DIP2B: variants seen among roughly 807,000 people sequenced by gnomAD.
DIP2B encodes the protein disco-interacting protein 2 homolog B.
Under a neutral mutation model 198.0 loss-of-function variants are expected in DIP2B, and 76 were observed. The ratio of observed to expected loss-of-function variants is 0.38; its 90% confidence interval spans 0.32 to 0.46. DIP2B has a LOEUF of 0.46. DIP2B is among the 20% of genes least tolerant of loss of function. The probability of loss-of-function intolerance (pLI) is 0.99; values close to 1 mark genes in which losing one functional copy is unlikely to be tolerated. For synonymous variants in DIP2B, 701 were observed against 739.1 expected (o/e 0.95, Z 0.84); for missense variants, 1,559 against 1,978.4 (o/e 0.79, Z 4.02).
At chr12:50,511,375 C>T (rs954048569) in intron 1 of DIP2B, among the ~76,000 whole-genome samples, 5 of 138,408 alleles carry the variant, frequency 3.6e-5, no homozygotes, top group Non-Finnish European at 6.1e-5. Flanking sequence ...CACCACAACC[C>T]CCGCCTTCCG....
At chr12:50,563,032 A>G (rs1330215498) in intron 1 of DIP2B, among the ~76,000 whole-genome samples, 5 of 152,126 alleles carry the variant, frequency 3.3e-5, no homozygotes, top group Non-Finnish European at 7.3e-5. Context: ...AACGATTGCT[A>G]AAAGTTTGAA....
At chr12:50,677,697 CTTTTG>C (rs1938971967) in intron 7 of DIP2B, among the ~76,000 whole-genome samples, 4 of 151,928 alleles carry the variant, frequency 2.6e-5, no homozygotes, top group Non-Finnish European at 4.4e-5. Flanking sequence ...ATTAAGAGGA[CTTTTG>C]TTTTATCTGT....
chr12:50,609,978 A>C (rs766164658), intron 1 of DIP2B, among the ~76,000 whole-genome samples: 2 of 152,238 alleles, frequency 1.3e-5, no homozygotes, highest in African/African-American at 4.8e-5. Flanking sequence ...TCATATTCCA[A>C]ATTCACAATG....
In DIP2B at chr12:50,718,826, T is replaced by C. The variant is rs368340538; in HGVS notation, c.2961+8T>C. 7.7e-5 allele frequency: 124 copies of C among 1,613,602 alleles called. No individual in the cohort carries two copies. The Middle Eastern group carries it at 9.9e-4, about 13-fold the overall frequency. On this transcript the variant is annotated splice_region_variant and intron_variant, in intron 24 of 37. Transcript: ENST00000301180. Reference sequence around the variant, plus strand: ...AATGATTTGGTGAGGAAGGTAAGTGTTCCTGAAGTGTTACCTTCTTACAGT... The same window carrying C: ...AATGATTTGGTGAGGAAGGTAAGTGCTCCTGAAGTGTTACCTTCTTACAGT...
At chr12:50,592,631 C>T (rs1271230583) in intron 1 of DIP2B, among the ~76,000 whole-genome samples, 1 of 152,106 alleles carries the variant, frequency 6.6e-6, no homozygotes, top group African/African-American at 2.4e-5. Flanking sequence ...GCACACGCCA[C>T]TACGCCTGGC....
rs1477008272 is a variant in DIP2B at position 50,573,407 on chromosome 12, T to C, written c.101-52569T>C. Among the ~76,000 whole-genome samples the C allele has an allele frequency of 5.3e-5, 8 of 152,244 alleles. No homozygotes were observed. The East Asian group carries it at 1.5e-3, about 29-fold the overall frequency. On this transcript the variant is annotated intron_variant, in intron 1 of 37. Transcript: ENST00000301180. ...CTGCCTTGCCATTCCAAATTCTGTT[T>C]CTTCCTGGCCTACCCTGGTCTGTAG...
intron 19 of DIP2B, among the ~76,000 whole-genome samples, chr12:50,702,540 C>T (rs1210108902): frequency 6.6e-6 from 1 of 151,602 alleles, no homozygotes; most frequent in Non-Finnish European, 1.5e-5. Context: ...CCAGCCTGAG[C>T]AACAGAGCAA....
intron 1 of DIP2B, among the ~76,000 whole-genome samples, chr12:50,590,620 G>A (rs929374385): frequency 6.6e-6 from 1 of 152,026 alleles, no homozygotes; most frequent in Non-Finnish European, 1.5e-5. Context: ...TACCCACCTC[G>A]GCCTCTCAAA....
chr12:50,580,679 C>T, intron 1 of DIP2B, among the ~76,000 whole-genome samples: 1 of 147,804 alleles, frequency 6.8e-6, no homozygotes, highest in Middle Eastern at 3.2e-3. Context: ...CAATTTTGCA[C>T]CCCTCAACCG....
intron 1 of DIP2B, among the ~76,000 whole-genome samples, chr12:50,542,617 A>C (rs1958337051): frequency 6.6e-6 from 1 of 152,208 alleles, no homozygotes; most frequent in Non-Finnish European, 1.5e-5. Context: ...AAACCTTGAC[A>C]ACAACAGGGC....
At chr12:50,723,110 A>G in intron 26 of DIP2B, 92 bp from the exon 27 acceptor site, 2 of 1,524,124 alleles carry the variant, frequency 1.3e-6, no homozygotes, top group South Asian at 2.4e-5. Context: ...TGTCTGGCAC[A>G]TGATTTAATT....
chr12:50,726,950 A>C (rs1939947880), intron 28 of DIP2B, among the ~76,000 whole-genome samples: 1 of 151,866 alleles, frequency 6.6e-6, no homozygotes, highest in South Asian at 2.1e-4. Flanking sequence ...TCACCTCTAC[A>C]AAAAAAATTT....
chr12:50,721,485 T>G, intron 26 of DIP2B, 89 bp downstream of exon 26: 1 of 1,556,528 alleles, frequency 6.4e-7, no homozygotes, highest in Non-Finnish European at 8.7e-7. Context: ...AGCTACTCTC[T>G]ATGACTTGCA....
intron 36 of DIP2B, among the ~76,000 whole-genome samples, chr12:50,740,029 T>C (rs573667782): frequency 1.3e-5 from 2 of 152,218 alleles, no homozygotes; most frequent in Admixed American, 6.5e-5. Flanking sequence ...GTGTCTTGCG[T>C]TGGACACAGC....
intron 1 of DIP2B, among the ~76,000 whole-genome samples, chr12:50,512,246 A>G (rs1033248625): frequency 6.0e-5 from 9 of 150,900 alleles, no homozygotes; most frequent in African/African-American, 2.2e-4. Flanking sequence ...AGCTGGGATT[A>G]CAGGCTTGTG....
intron 1 of DIP2B, among the ~76,000 whole-genome samples, chr12:50,536,271 G>GCATACGTA (rs1555182429): frequency 6.8e-6 from 1 of 147,972 alleles, no homozygotes. Flanking sequence ...CTAAATACGT[G>GCATACGTA]CATACATACA....
chr12:50,570,883 C>G (rs912767487), intron 1 of DIP2B, among the ~76,000 whole-genome samples: 1 of 152,086 alleles, frequency 6.6e-6, no homozygotes, highest in Non-Finnish European at 1.5e-5. Context: ...TGGTTTTATT[C>G]TCTCAGAAAT....
intron 3 of DIP2B, among the ~76,000 whole-genome samples, chr12:50,645,156 TATTTC>T (rs1938328279): frequency 6.6e-6 from 1 of 152,180 alleles, no homozygotes; most frequent in African/African-American, 2.4e-5. Flanking sequence ...AGTATAAAAT[TATTTC>T]ATTTCAGAGC....
At chr12:50,626,296 A>G (rs1454478755) in intron 2 of DIP2B, among the ~76,000 whole-genome samples, 2 of 152,226 alleles carry the variant, frequency 1.3e-5, no homozygotes, top group East Asian at 1.9e-4. Flanking sequence ...GTGAAAGACT[A>G]TGCATAACTG....
Sources: allele counts gnomAD v4.1 joint callset (sites outside exome capture counted in the v4.1 genomes callset), GRCh38; gene constraint gnomAD v4.1.1; transcripts MANE v1.5; gene names NCBI Gene and HGNC (gene_info 2026-07-23, HGNC 2026-07-21).